Variants in PLB1 observed in about 807,000 individuals in gnomAD.
PLB1 encodes the protein phospholipase B1, membrane-associated.
In PLB1, 242 loss-of-function variants were observed where a neutral mutation model predicts 227.4. The observed-to-expected ratio is 1.06, with a 90% confidence interval of 0.96 to 1.18. The LOEUF (loss-of-function observed/expected upper bound fraction) is 1.18. Among genes scored for constraint, PLB1 ranks in the 50% most tolerant of loss-of-function variants. PLB1 has a pLI of 0.00. For missense variants in PLB1, 1,858 were observed against 1,816.3 expected (o/e 1.02, Z -0.42); for synonymous variants, 757 against 682.2 (o/e 1.11, Z -1.71).
In PLB1 at chr2:28,644,121, G is replaced by T. The variant is rs6751379; in HGVS notation, c.*1060G>T. On this transcript the variant is annotated 3_prime_UTR_variant, in exon 58 of 58. Transcript: ENST00000327757. The stretch of plus-strand genomic sequence containing the variant: ...ATGTGAATTTCACTTCAATAAAAAA[G>T]AATCCAGGGAGGTAGACATCATCTG... Among the ~76,000 whole-genome samples the T allele has an allele frequency of 0.042, 6,358 of 152,238 alleles. 474 individuals are homozygous for T. The highest frequency in any genetic ancestry group is 0.14 in the African/African-American group (5,929 of 41,534).
At chr2:28,586,176 G>A (rs546132596) in intron 26 of PLB1, among the ~76,000 whole-genome samples, 4 of 152,272 alleles carry the variant, frequency 2.6e-5, no homozygotes, top group East Asian at 3.9e-4. Flanking sequence ...GACTCTGCTC[G>A]CTGGTTGTGG....
At chr2:28,549,241 C>T (rs1673798948) in intron 15 of PLB1, among the ~76,000 whole-genome samples, 1 of 152,086 alleles carries the variant, frequency 6.6e-6, no homozygotes, top group African/African-American at 2.4e-5. Flanking sequence ...TCCAGACCTT[C>T]CTCTACCTCA....
intron 17 of PLB1, among the ~76,000 whole-genome samples, chr2:28,554,700 A>T (rs1674781657): frequency 1.3e-5 from 2 of 151,924 alleles, no homozygotes; most frequent in African/African-American, 4.8e-5. Flanking sequence ...CTTATTCTGA[A>T]AGAATGCTCT....
chr2:28,627,144 G>T lies in PLB1; in HGVS notation c.3660+636G>T, dbSNP rs569791221. On this transcript the variant is annotated intron_variant, in intron 51 of 57. Coordinates refer to ENST00000327757, the MANE Select transcript of PLB1 (RefSeq NM_153021.5). The stretch of plus-strand genomic sequence containing the variant: ...GTTTGACAGTCACAGATGGTGGTGT[G>T]GGGGAAAAGGCATTTATCACTCCTT... 7.9e-5 allele frequency among the ~76,000 whole-genome samples: 12 copies of T among 152,268 alleles called. No individual in the cohort carries two copies. In the South Asian group the frequency reaches 2.5e-3, roughly 32 times the overall value.
intron 43 of PLB1, among the ~76,000 whole-genome samples, chr2:28,607,421 C>T (rs935160570): frequency 1.3e-5 from 2 of 152,232 alleles, no homozygotes; most frequent in Admixed American, 1.3e-4. Flanking sequence ...ATGCCTGCTC[C>T]CTGTCTGCTG....
intron 9 of PLB1, 98 bp from the exon 10 acceptor site, chr2:28,538,221 G>C: frequency 6.8e-7 from 1 of 1,459,984 alleles, no homozygotes; most frequent in African/African-American, 1.4e-5. Flanking sequence ...TTTGCCTGTG[G>C]TCTTGCCTGG....
Position 28,503,190 on chromosome 2 carries a change from C to T in PLB1, c.55+7021C>T, listed in dbSNP as rs57336160. Among the ~76,000 whole-genome samples, 1,131 of 152,000 alleles carry T rather than the reference C, an allele frequency of 7.4e-3. 12 individuals carry two copies. The highest frequency in any genetic ancestry group is 0.026 in the African/African-American group (1,077 of 41,440). ...ATTTTTTGAGAAAGGTCTAACTCTGCTGTCCAGGTTGGAGTGCAGTGGCCT... is the reference window on the plus strand; with the variant it reads ...ATTTTTTGAGAAAGGTCTAACTCTGTTGTCCAGGTTGGAGTGCAGTGGCCT... On this transcript the variant is annotated intron_variant, in intron 1 of 57. Transcript: ENST00000327757.
chr2:28,518,402 T>C, intron 2 of PLB1, 64 bp from the exon 3 acceptor site: 1 of 1,282,266 alleles, frequency 7.8e-7, no homozygotes, highest in Non-Finnish European at 1.1e-6. Context: ...ACACCAAGTT[T>C]TCAGGACCTG....
At chr2:28,522,514 C>T (rs1022105270) in intron 4 of PLB1, among the ~76,000 whole-genome samples, 2 of 152,198 alleles carry the variant, frequency 1.3e-5, no homozygotes, top group African/African-American at 4.8e-5. Flanking sequence ...TGTCTGTGCA[C>T]ACCGATATTT....
At position 28,614,034 on chromosome 2, in the gene PLB1, G is replaced by A. The variant is rs115147925; in HGVS notation, c.3133G>A (p.Glu1045Lys). Reference sequence around the variant, plus strand: ...CATGTGTTTTTTTTTCTCTTAGAATGAGCCCTTCCTGAGAACCCCTCGGAA... The same window carrying A: ...CATGTGTTTTTTTTTCTCTTAGAATAAGCCCTTCCTGAGAACCCCTCGGAA... ...EMPITCPTQN[E>K]PFLRTPRNSN... Residue 1045 changes from glutamate to lysine, a missense_variant, in exon 44 of 58, where the codon GAG becomes AAG. Physicochemically the swap from Glu to Lys is moderately conservative, Grantham distance 56. Coordinates refer to ENST00000327757, the MANE Select transcript of PLB1 (RefSeq NM_153021.5). 8,074 of 1,610,222 alleles carry A rather than the reference G, an allele frequency of 5.0e-3. 21 individuals are homozygous for A. The highest frequency in any genetic ancestry group is 6.3e-3 in the Non-Finnish European group (7,360 of 1,176,956).
chr2:28,582,172 C>G (rs370387609), intron 24 of PLB1, 39 bp downstream of exon 24: 4 of 1,590,910 alleles, frequency 2.5e-6, no homozygotes, highest in Admixed American at 1.7e-5. Context: ...TCTTAGACCT[C>G]AGACCTAGCC....
At chr2:28,642,687 G>A (rs977016328) in intron 57 of PLB1, among the ~76,000 whole-genome samples, 171 bp from the exon 58 acceptor site, 6 of 152,172 alleles carry the variant, frequency 3.9e-5, no homozygotes, top group Non-Finnish European at 7.3e-5. Context: ...GGCCCATCCC[G>A]CTAAAGAGGG....
chr2:28,603,825 C>A, intron 39 of PLB1, 141 bp from the exon 40 acceptor site: 1 of 727,288 alleles, frequency 1.4e-6, no homozygotes. Context: ...TGAGCATGTG[C>A]GCCAGAGCCT....
intron 17 of PLB1, among the ~76,000 whole-genome samples, chr2:28,554,322 G>T (rs1002476561): frequency 1.4e-4 from 20 of 147,950 alleles, no homozygotes; most frequent in East Asian, 9.8e-4. Context: ...TCTATATAGA[G>T]AGAGAGAGAG....
chr2:28,640,922 T>G lies in PLB1; in HGVS notation c.4099-5T>G, dbSNP rs563155388. ...AGAATCGAGGTGTCCTTTCTCTCTC[T>G]CCAGCTGGAACCAGTGGGCCGCAAG... On this transcript the variant is annotated splice_polypyrimidine_tract_variant and splice_region_variant and intron_variant, in intron 56 of 57. Coordinates refer to ENST00000327757, the MANE Select transcript of PLB1 (RefSeq NM_153021.5). The G allele has an allele frequency of 1.2e-6, 2 of 1,613,000 alleles. No homozygotes were observed. Among genetic ancestry groups the G allele is most frequent in the Admixed American group, 1.7e-5 (1 of 59,926 alleles).
chr2:28,598,017 C>A lies in PLB1; in HGVS notation c.2334C>A (p.Asp778Glu). 1.2e-6 allele frequency: 2 copies of A among 1,613,016 alleles called. No homozygotes were observed. The highest frequency in any genetic ancestry group is 1.7e-6 in the Non-Finnish European group (2 of 1,179,160). Residue 778 changes from aspartate to glutamate, a missense_variant, in exon 34 of 58, where the codon GAC becomes GAA. Physicochemically the swap from Asp to Glu is conservative, Grantham distance 45. Coordinates refer to ENST00000327757, the MANE Select transcript of PLB1 (RefSeq NM_153021.5). ...TCACTCCCTACAGTGCAGGAGGGGA[C>A]GGCTCCCTGGAGAATGTGACCACCT... ...YRGLSYSAGG[D>E]GSLENVTTLP... is the part of the protein sequence containing the mutation.
intron 21 of PLB1, among the ~76,000 whole-genome samples, chr2:28,577,644 C>T (rs1573104130): frequency 6.6e-6 from 1 of 152,188 alleles, no homozygotes; most frequent in East Asian, 1.9e-4. Flanking sequence ...AGTTTGAGAC[C>T]AGCCTGGCCA....
At chr2:28,545,032 G>A (rs1372330403) in intron 14 of PLB1, among the ~76,000 whole-genome samples, 1 of 152,098 alleles carries the variant, frequency 6.6e-6, no homozygotes, top group Non-Finnish European at 1.5e-5. Context: ...GCCAGGTGAT[G>A]GTCCCATGCA....
At chr2:28,631,452 A>G (rs527881333) in intron 54 of PLB1, among the ~76,000 whole-genome samples, 23 of 152,340 alleles carry the variant, frequency 1.5e-4, no homozygotes, top group African/African-American at 3.8e-4. Flanking sequence ...AAAAGCCCCA[A>G]AGGGTTCTCA....
Sources: allele counts gnomAD v4.1 joint callset (sites outside exome capture counted in the v4.1 genomes callset), GRCh38; gene constraint gnomAD v4.1.1; transcripts MANE v1.5; gene names NCBI Gene and HGNC (gene_info 2026-07-23, HGNC 2026-07-21).